The following SVOP variants were observed in gnomAD, a reference collection of about 807,000 sequenced individuals.
The protein encoded by SVOP is synaptic vesicle 2-related protein.
SVOP carries 17 observed loss-of-function variants against 69.1 expected under a neutral mutation model. The ratio of observed to expected loss-of-function variants is 0.25; its 90% CI spans 0.17 to 0.37. The LOEUF is 0.37. Ranked by LOEUF, SVOP falls within the 10% of genes least tolerant of loss-of-function variation. The pLI, the probability that SVOP is intolerant of heterozygous loss-of-function variation, is 1.00. For synonymous variants in SVOP, 238 were observed against 238.6 expected (o/e 1.00, Z 0.02); for missense variants, 435 against 597.5 (o/e 0.73, Z 2.84).
intron 11 of SVOP, among the ~76,000 whole-genome samples, chr12:108,930,232 G>C (rs969786899): frequency 6.6e-6 from 1 of 152,182 alleles, no homozygotes; most frequent in Non-Finnish European, 1.5e-5. Flanking sequence ...ATGTAACAGA[G>C]TTTAATTGAA....
chr12:109,004,410 CTTTT>C (rs34124314), intron 1 of SVOP, among the ~76,000 whole-genome samples: 1 of 120,392 alleles, frequency 8.3e-6, no homozygotes, highest in Admixed American at 9.4e-5. Context: ...GGTATTGCTA[CTTTT>C]TTTTTTTTTT....
At chr12:108,961,353 G>A (rs1460340648) in intron 5 of SVOP, among the ~76,000 whole-genome samples, 4 of 151,150 alleles carry the variant, frequency 2.6e-5, no homozygotes, top group East Asian at 1.9e-4. Context: ...TGTTCTGCCC[G>A]ACCATCATGC....
At chr12:109,014,899 T>C (rs1199081260) in intron 1 of SVOP, among the ~76,000 whole-genome samples, 3 of 152,140 alleles carry the variant, frequency 2.0e-5, no homozygotes, top group South Asian at 4.1e-4. Flanking sequence ...TTTTTCAAAA[T>C]TTTTGGTAGA....
chr12:108,941,657 C>A (rs370285392), intron 7 of SVOP, among the ~76,000 whole-genome samples: 1 of 151,524 alleles, frequency 6.6e-6, no homozygotes, highest in Non-Finnish European at 1.5e-5. Context: ...AAAGTCTGTG[C>A]CCATTTTTTT....
intron 1 of SVOP, among the ~76,000 whole-genome samples, chr12:109,005,088 T>C (rs2040298506): frequency 6.6e-6 from 1 of 152,096 alleles, no homozygotes; most frequent in Non-Finnish European, 1.5e-5. Context: ...GCCTCTGGAG[T>C]TTTAGCCCTT....
intron 5 of SVOP, among the ~76,000 whole-genome samples, chr12:108,963,338 A>G (rs2040027299): frequency 6.6e-6 from 1 of 152,204 alleles, no homozygotes; most frequent in African/African-American, 2.4e-5. Context: ...CTTTTAGAAA[A>G]TGACTTTATG....
intron 6 of SVOP, among the ~76,000 whole-genome samples, chr12:108,958,029 C>T (rs2137420254): frequency 6.6e-6 from 1 of 152,322 alleles, no homozygotes; most frequent in Admixed American, 6.5e-5. Flanking sequence ...CAACAACAGA[C>T]CACATATATG....
At chr12:108,966,794 T>C (rs2040048249) in intron 5 of SVOP, among the ~76,000 whole-genome samples, 1 of 152,164 alleles carries the variant, frequency 6.6e-6, no homozygotes, top group South Asian at 2.1e-4. Flanking sequence ...TGAATGAATG[T>C]TCAACTAATC....
intron 12 of SVOP, among the ~76,000 whole-genome samples, chr12:108,921,856 C>T (rs562648184): frequency 6.6e-6 from 1 of 152,184 alleles, no homozygotes; most frequent in Non-Finnish European, 1.5e-5. Context: ...AACGACTTCA[C>T]AAGATTAAAT....
chr12:108,948,313 C>A (rs1179754646), intron 6 of SVOP, among the ~76,000 whole-genome samples: 1 of 152,236 alleles, frequency 6.6e-6, no homozygotes, highest in East Asian at 1.9e-4. Context: ...GCCCCCAGTT[C>A]TGTCTGCTTC....
chr12:108,969,000 C>T (rs1241785589), intron 5 of SVOP, among the ~76,000 whole-genome samples: 1 of 151,834 alleles, frequency 6.6e-6, no homozygotes, highest in Non-Finnish European at 1.5e-5. Context: ...CGCCATGTTG[C>T]CTAGGCTGGT....
At position 108,918,732 on chromosome 12, in the gene SVOP, C is replaced by T. The variant is rs951806946; in HGVS notation, c.1269-608G>A. Among the ~76,000 whole-genome samples the T allele has an allele frequency of 5.3e-5, 8 of 152,080 alleles. No individual in the cohort carries two copies. In the East Asian group the frequency reaches 5.8e-4, roughly 11 times the overall value. Reference sequence around the variant, plus strand: ...GAAATGTTAAAACGGGATTACAAAACGATCTATTTGAAATATTTCCATTGA... The same window carrying T: ...GAAATGTTAAAACGGGATTACAAAATGATCTATTTGAAATATTTCCATTGA... On this transcript the variant is annotated intron_variant, in intron 13 of 15. Transcript: ENST00000610966.
In SVOP at chr12:108,912,641, C is replaced by A; in HGVS notation, c.1541G>T (p.Gly514Val). Residue 514 changes from glycine (G) to valine (V), a missense_variant, in exon 16 of 16, where the codon GGC becomes GTC. Coordinates refer to ENST00000610966, the MANE Select transcript of SVOP (RefSeq NM_018711.5). ...ASCFLPIETK[G>V]RGLQESSHRE... is the part of the protein sequence containing the mutation. ...GTGGCTGGACTCCTGCAGTCCTCGG[C>A]CTTTGGTCTCAATGGGCAAAAAGCA... The A allele has an allele frequency of 6.2e-7, 1 of 1,613,978 alleles. No homozygotes were observed. The highest frequency in any genetic ancestry group is 1.3e-5 in the African/African-American group (1 of 75,030).
intron 5 of SVOP, among the ~76,000 whole-genome samples, chr12:108,970,533 C>A (rs2040072980): frequency 6.6e-6 from 1 of 152,224 alleles, no homozygotes; most frequent in African/African-American, 2.4e-5. Flanking sequence ...GATCTCACTT[C>A]TTCCTTCCTA....
intron 1 of SVOP, among the ~76,000 whole-genome samples, chr12:108,987,141 T>C (rs191377206): frequency 6.6e-6 from 1 of 152,348 alleles, no homozygotes; most frequent in Non-Finnish European, 1.5e-5. Flanking sequence ...CAATCTACTT[T>C]CTGTCTCTAT....
chr12:108,938,458 T>C (rs2039869208), intron 9 of SVOP, among the ~76,000 whole-genome samples: 1 of 152,226 alleles, frequency 6.6e-6, no homozygotes. Context: ...CTTCCTGATA[T>C]GGTTTTATTG....
At chr12:108,989,260 G>A (rs2040184932) in intron 1 of SVOP, among the ~76,000 whole-genome samples, 1 of 152,158 alleles carries the variant, frequency 6.6e-6, no homozygotes, top group Admixed American at 6.5e-5. Flanking sequence ...GTTTCGTAGA[G>A]ACAGGGGTCT....
intron 8 of SVOP, 33 bp downstream of exon 8, chr12:108,940,751 A>G (rs977950649): frequency 7.8e-6 from 12 of 1,531,698 alleles, no homozygotes; most frequent in Non-Finnish European, 1.1e-5. Context: ...GATGTCAGAC[A>G]GCAAAAGGTG....
intron 11 of SVOP, 132 bp from the exon 12 acceptor site, chr12:108,922,929 G>C: frequency 1.5e-6 from 1 of 648,184 alleles, no homozygotes; most frequent in Middle Eastern, 2.9e-4. Context: ...CTCAGAGACA[G>C]ACAGATTCAT....
Sources: gnomAD v4.1 joint callset for allele counts (sites outside exome capture counted in the v4.1 genomes callset) on GRCh38, gnomAD v4.1.1 for gene constraint, MANE v1.5 for transcripts, NCBI Gene and HGNC (gene_info 2026-07-23, HGNC 2026-07-21) for gene names.